Variants in MICAL3 observed in about 807,000 individuals in gnomAD.
MICAL3 encodes the protein microtubule associated monooxygenase, calponin and LIM domain containing 3, also known as [F-actin]-monooxygenase MICAL3.
In MICAL3, 62 loss-of-function variants were observed where a neutral mutation model predicts 207.4. The ratio of observed to expected loss-of-function variants is 0.30; its 90% CI spans 0.24 to 0.37. MICAL3 has a LOEUF of 0.37. Ranked by LOEUF, MICAL3 falls within the 10% of genes least tolerant of loss-of-function variation. The pLI is 1.00. For synonymous variants in MICAL3, 1,077 were observed against 1,069.3 expected (o/e 1.01, Z -0.14); for missense variants, 2,368 against 2,635.6 (o/e 0.90, Z 2.22).
intron 27 of MICAL3, chr22:17,813,770 T>C (rs1124068): frequency 0.42 from 64,362 of 151,974 alleles, 14,475 homozygotes; most frequent in African/African-American, 0.55. Context: ...GAGGTGGTGG[T>C]CAGCCACAGG....
At chr22:17,859,208 G>A (rs1425981531) in intron 19 of MICAL3, among the ~76,000 whole-genome samples, 1 of 152,188 alleles carries the variant, frequency 6.6e-6, no homozygotes. Context: ...TGTGGTTGTC[G>A]AGAATGCCAA....
chr22:17,893,285 C>T (rs1930528079), intron 11 of MICAL3, among the ~76,000 whole-genome samples: 1 of 152,128 alleles, frequency 6.6e-6, no homozygotes, highest in Admixed American at 6.5e-5. Flanking sequence ...TCCTCCAACC[C>T]CTCTCACGTG....
rs781491482 is a variant in MICAL3, at chr22:17,818,440, C to G, written c.4221G>C (p.Pro1407=). 1.9e-6 allele frequency: 3 copies of G among 1,612,792 alleles called. No individual in the cohort carries two copies. The highest frequency in any genetic ancestry group is 2.5e-6 in the Non-Finnish European group (3 of 1,179,884). Residue 1407 remains proline, a synonymous_variant, in exon 26 of 32, where the codon CCG becomes CCC. Transcript: ENST00000441493. ...GGGCGCTGCGTAGCTCTCTGTCGGA[C>G]GGGGACCGGGGGGTTGGCAGGGACA... ...EPLSLPTPRS[P]SDRELRSAQE...
At chr22:17,988,443 A>G (rs1306996222) in intron 1 of MICAL3, among the ~76,000 whole-genome samples, 1 of 151,908 alleles carries the variant, frequency 6.6e-6, no homozygotes, top group East Asian at 1.9e-4. Flanking sequence ...TGGTGTTTAC[A>G]TTTCTGGGTT....
At chr22:17,940,518 G>T (rs1171434473) in intron 1 of MICAL3, among the ~76,000 whole-genome samples, 1 of 152,164 alleles carries the variant, frequency 6.6e-6, no homozygotes, top group Non-Finnish European at 1.5e-5. Flanking sequence ...ACCCAAAGAT[G>T]AAAGGGAACA....
intron 19 of MICAL3, among the ~76,000 whole-genome samples, chr22:17,856,917 G>A (rs1400509764): frequency 1.3e-5 from 2 of 152,126 alleles, no homozygotes; most frequent in East Asian, 3.9e-4. Context: ...CACCGCGCCC[G>A]GCCGAAAATG....
At chr22:17,833,860 C>T (rs1175559501) in intron 20 of MICAL3, among the ~76,000 whole-genome samples, 6 of 152,114 alleles carry the variant, frequency 3.9e-5, no homozygotes, top group African/African-American at 7.2e-5. Context: ...ACATCGAGAC[C>T]AAGAGAGTAC....
chr22:17,874,117 G>A (rs761852068), intron 16 of MICAL3, among the ~76,000 whole-genome samples: 3 of 152,236 alleles, frequency 2.0e-5, no homozygotes, highest in Non-Finnish European at 2.9e-5. Flanking sequence ...CGACGAAGCC[G>A]TTCTTGTGGC....
At chr22:17,872,325 A>G (rs1927804271) in intron 16 of MICAL3, among the ~76,000 whole-genome samples, 1 of 152,164 alleles carries the variant, frequency 6.6e-6, no homozygotes, top group African/African-American at 2.4e-5. Flanking sequence ...GAGTAATGCT[A>G]TGATACAGCC....
At chr22:17,876,105 A>G (rs1053563526) in intron 16 of MICAL3, among the ~76,000 whole-genome samples, 5 of 152,132 alleles carry the variant, frequency 3.3e-5, no homozygotes, top group Non-Finnish European at 5.9e-5. Flanking sequence ...CTGCTTGCCA[A>G]AGAGCCAGCT....
Position 17,790,860 on chromosome 22 carries a change from G to A in MICAL3, c.5881C>T (p.Leu1961=). 6.2e-7 allele frequency: 1 copy of A among 1,613,834 alleles called. No homozygotes were observed. Among genetic ancestry groups the A allele is most frequent in the South Asian group, 1.1e-5 (1 of 91,088 alleles). ...GAGTCTCTCTGCTCCACCACCTCCA[G>A]CATCTCATTGAGAATCTGCTTCTCT... The part of the protein sequence containing the change: ...SEEKQILNEM[L]EVVEQRDSLV... The change falls in exon 32 of 32, where the codon CTG becomes TTG. Residue 1961 remains leucine (L), a synonymous_variant. Coordinates refer to ENST00000441493, the MANE Select transcript of MICAL3 (RefSeq NM_015241.3).
intron 10 of MICAL3, 119 bp downstream of exon 10, chr22:17,895,165 A>C: frequency 9.8e-7 from 1 of 1,018,198 alleles, no homozygotes. Context: ...ATCTACCTGG[A>C]TGACTAAAAA....
At chr22:17,884,364 A>T in intron 16 of MICAL3, 5 of 1,589,066 alleles carry the variant, frequency 3.1e-6, no homozygotes, top group Non-Finnish European at 4.3e-6. Flanking sequence ...GTCAGCTGGG[A>T]CACACAGGCC....
At chr22:17,847,157 GC>G (rs1924716724) in intron 19 of MICAL3, among the ~76,000 whole-genome samples, 1 of 152,102 alleles carries the variant, frequency 6.6e-6, no homozygotes, top group African/African-American at 2.4e-5. Flanking sequence ...TGGTGGCAAA[GC>G]CCCCCTGTAC....
intron 1 of MICAL3, among the ~76,000 whole-genome samples, chr22:17,943,477 T>C (rs1227024220): frequency 2.6e-5 from 4 of 152,198 alleles, no homozygotes; most frequent in Non-Finnish European, 4.4e-5. Context: ...CATCTATCCT[T>C]CTCTTAACAG....
intron 13 of MICAL3, among the ~76,000 whole-genome samples, chr22:17,887,948 T>C (rs773879314): frequency 9.9e-5 from 15 of 152,178 alleles, no homozygotes; most frequent in Non-Finnish European, 2.2e-4. Flanking sequence ...AAGAACGTCA[T>C]GGCTAACCAG....
intron 1 of MICAL3, among the ~76,000 whole-genome samples, chr22:18,007,840 G>A (rs1187560995): frequency 3.5e-5 from 5 of 141,556 alleles, no homozygotes; most frequent in South Asian, 2.3e-4. Context: ...GGAGAATGGC[G>A]TGAACCCGGG....
chr22:17,810,746 C>T lies in MICAL3; in HGVS notation c.5513G>A (p.Arg1838Lys), dbSNP rs1161006919. The T allele has an allele frequency of 1.2e-6, 2 of 1,614,006 alleles. No individual in the cohort carries two copies. The highest frequency in any genetic ancestry group is 1.7e-6 in the Non-Finnish European group (2 of 1,179,884). Residue 1838 changes from arginine (R) to lysine (K), a missense_variant, in exon 28 of 32, where the codon AGA (arginine) becomes AAA (lysine). Arg to Lys is a conservative substitution (Grantham distance 26). Transcript: ENST00000441493. Reference sequence around the variant, plus strand: ...CTTAAGCTCCTCCTGCTTGGCCTGTCTCCGAGCTGCCTTTTGCACACGCCG... The same window carrying T: ...CTTAAGCTCCTCCTGCTTGGCCTGTTTCCGAGCTGCCTTTTGCACACGCCG... ...LTRRVQKAARRQAKQEELKRL... is the reference protein window; with the variant it reads ...LTRRVQKAARKQAKQEELKRL...
At chr22:17,984,869 G>A (rs1936083120) in intron 1 of MICAL3, among the ~76,000 whole-genome samples, 1 of 152,190 alleles carries the variant, frequency 6.6e-6, no homozygotes, top group African/African-American at 2.4e-5. Flanking sequence ...AGCCACACGA[G>A]TAGCAAGTGG....
Sources: gnomAD v4.1 joint callset for allele counts (sites outside exome capture counted in the v4.1 genomes callset) on GRCh38, gnomAD v4.1.1 for gene constraint, MANE v1.5 for transcripts, NCBI Gene and HGNC (gene_info 2026-07-23, HGNC 2026-07-21) for gene names.